CHD4: variants seen among roughly 807,000 people sequenced by gnomAD.
The protein encoded by CHD4 is ATP-dependent chromatin remodeler CHD4.
CHD4 carries 35 observed loss-of-function variants against 235.5 expected under a neutral mutation model. That is an observed-to-expected ratio of 0.15 (90% CI 0.11 to 0.20). CHD4 has a LOEUF of 0.20. CHD4 is among the 10% of genes least tolerant of loss of function. CHD4 has a pLI of 1.00. For missense variants in CHD4, 1,329 were observed against 2,432.3 expected (o/e 0.55, Z 9.54); for synonymous variants, 900 against 850.2 (o/e 1.06, Z -1.02).
In CHD4 at chr12:6,588,236, G is replaced by A; in HGVS notation, c.3465+62C>T. The A allele has an allele frequency of 5.7e-6, 9 of 1,579,586 alleles. No individual in the cohort carries two copies. In the South Asian group the frequency reaches 1.0e-4, roughly 18 times the overall value. On this transcript the variant is annotated intron_variant, in intron 23 of 39. Coordinates refer to ENST00000544040, the MANE Select transcript of CHD4 (RefSeq NM_001273.5). The stretch of plus-strand genomic sequence containing the variant: ...TTCCAGATGGTGGAGCCCTCATAGA[G>A]GCCACTATGCCTTTCTAGCATAACA...
At chr12:6,573,689 A>G (rs1318393898) in intron 37 of CHD4, among the ~76,000 whole-genome samples, 1 of 152,112 alleles carries the variant, frequency 6.6e-6, no homozygotes, top group Non-Finnish European at 1.5e-5. Flanking sequence ...ACAGTTAAGC[A>G]TCTTCCTTTT....
chr12:6,603,946 T>C (rs1948643281), intron 2 of CHD4, among the ~76,000 whole-genome samples: 1 of 152,102 alleles, frequency 6.6e-6, no homozygotes, highest in African/African-American at 2.4e-5. Context: ...TGGGAATGTC[T>C]GCACAAAAAA....
intron 23 of CHD4, 54 bp downstream of exon 23, chr12:6,588,244 T>C: frequency 1.9e-6 from 3 of 1,594,208 alleles, no homozygotes; most frequent in Admixed American, 1.7e-5. Flanking sequence ...GAGGCCACTA[T>C]GCCTTTCTAG....
chr12:6,602,627 T>A (rs1335561710), intron 2 of CHD4, 130 bp from the exon 3 acceptor site: 1 of 1,213,008 alleles, frequency 8.2e-7, no homozygotes, highest in Non-Finnish European at 1.2e-6. Flanking sequence ...ACTGCTATAC[T>A]CTGTACAGGA....
chr12:6,588,070 A>C, intron 23 of CHD4, 121 bp from the exon 24 acceptor site: 1 of 1,206,218 alleles, frequency 8.3e-7, no homozygotes, highest in Non-Finnish European at 1.2e-6. Flanking sequence ...ATTCATAGGA[A>C]ACTTCCTTTT....
rs1947958288 is a variant in CHD4 at position 6,571,022 on chromosome 12, C to T, written c.5568G>A (p.Gln1856=). The change falls in exon 39 of 40, where the codon CAG becomes CAA. Residue 1856 remains glutamine, a synonymous_variant. Transcript: ENST00000544040. Reference sequence around the variant, plus strand: ...TCATGTCACTCAGCAGTTCTTCCAGCTGTTTCAGAACTGCATAGGGAGAAA... The same window carrying T: ...TCATGTCACTCAGCAGTTCTTCCAGTTGTTTCAGAACTGCATAGGGAGAAA... ...ANAVLHKVLK[Q]LEELLSDMKA... is the part of the protein sequence containing the mutation. 6.2e-7 allele frequency: 1 copy of T among 1,613,956 alleles called. No homozygotes were observed. Among genetic ancestry groups the T allele is most frequent in the Admixed American group, 1.7e-5 (1 of 60,004 alleles).
rs1948433977 is a variant in CHD4 at position 6,593,383 on chromosome 12, T to C, written c.2514+33A>G. The C allele has an allele frequency of 9.9e-6, 16 of 1,609,120 alleles. No individual in the cohort carries two copies. Among genetic ancestry groups the C allele is most frequent in the Non-Finnish European group, 1.2e-5 (14 of 1,176,086 alleles). On this transcript the variant is annotated intron_variant, in intron 16 of 39. Transcript: ENST00000544040. The surrounding 1 kb of genome is among the most constrained non-coding windows in gnomAD (Gnocchi z 4.9). ...TAAACTAAGCCAGAAGCCACAACTC[T>C]TTCTCTAGGGTGGCTTCCCTCCCCT...
chr12:6,604,032 C>A lies in CHD4; in HGVS notation c.101-1535G>T, dbSNP rs149894463. 3.6e-3 allele frequency among the ~76,000 whole-genome samples: 555 copies of A among 152,284 alleles called. 3 individuals carry two copies. The highest frequency in any genetic ancestry group is 0.013 in the African/African-American group (533 of 41,538). ...ATGGCTCATGCCTGTAATCGCAGCA[C>A]TCTGGGAGGCTGAGGCGGGCAGATC... is the stretch of plus-strand genomic sequence containing the variant. On this transcript the variant is annotated intron_variant, in intron 2 of 39. Coordinates refer to ENST00000544040, the MANE Select transcript of CHD4 (RefSeq NM_001273.5).
At chr12:6,573,985 T>C (rs1948024106) in intron 37 of CHD4, among the ~76,000 whole-genome samples, 1 of 152,124 alleles carries the variant, frequency 6.6e-6, no homozygotes, top group Non-Finnish European at 1.5e-5. Flanking sequence ...ATCGCGCCAC[T>C]ACACTCCAGC....
Position 6,592,007 on chromosome 12 carries a change from C to T in CHD4, c.2999G>A (p.Arg1000Gln). Reference protein sequence around the residue: ...LTRNFEALNARGGGNQVSLLN... With the variant: ...LTRNFEALNAQGGGNQVSLLN... ...CAGAGACACCTGGTTGCCACCACCTCGGGCATTGAGTGCTTCAAAATTTCG... is the reference window on the plus strand; with the variant it reads ...CAGAGACACCTGGTTGCCACCACCTTGGGCATTGAGTGCTTCAAAATTTCG... Residue 1000 changes from arginine to glutamine, a missense_variant, in exon 20 of 40, where the codon CGA becomes CAA. By Grantham distance (43) the Arg-to-Gln change is conservative. Around this residue, in one of 26 missense-constraint regions of CHD4, gnomAD observed 23 missense variants for 130.0 expected, o/e 0.18. Coordinates refer to ENST00000544040, the MANE Select transcript of CHD4 (RefSeq NM_001273.5). 6.2e-7 allele frequency: 1 copy of T among 1,614,192 alleles called. No homozygotes were observed. The highest frequency in any genetic ancestry group is 8.5e-7 in the Non-Finnish European group (1 of 1,180,042).
At chr12:6,596,422 G>A (rs1948496421) in intron 12 of CHD4, among the ~76,000 whole-genome samples, 1 of 151,542 alleles carries the variant, frequency 6.6e-6, no homozygotes, top group African/African-American at 2.4e-5. Flanking sequence ...AGCTGAGGCA[G>A]GCAGATCGCT....
At chr12:6,580,259 A>C (rs559187081) in intron 33 of CHD4, 1 of 150,224 alleles carries the variant, frequency 6.7e-6, no homozygotes, top group Non-Finnish European at 1.5e-5. Context: ...ACAACAACAA[A>C]TAAAGTCATA....
intron 38 of CHD4, chr12:6,571,262 CT>C: frequency 2.0e-6 from 1 of 499,834 alleles, no homozygotes; most frequent in East Asian, 3.3e-5. Context: ...CTATCCCTTA[CT>C]ATTATTGTAT....
chr12:6,589,210 A>C (rs573514374), intron 22 of CHD4, among the ~76,000 whole-genome samples: 1 of 152,190 alleles, frequency 6.6e-6, no homozygotes, highest in African/African-American at 2.4e-5. Flanking sequence ...AGAATATAAA[A>C]CCTCATTAGG....
chr12:6,582,911 G>A lies in CHD4; in HGVS notation c.4173C>T (p.Gly1391=), dbSNP rs1372062677. 1 of 1,614,024 alleles carries A rather than the reference G, an allele frequency of 6.2e-7. No individual in the cohort carries two copies. The highest frequency in any genetic ancestry group is 2.2e-5 in the East Asian group (1 of 44,886). The stretch of plus-strand genomic sequence containing the variant: ...ATGGCTTATCTTTATCATTCCGCAG[G>A]CCCTTACGACTGGGCCTACGGGGAG... ...SEAPRRPSRK[G]LRNDKDKPLP... Residue 1391 remains glycine (G), a synonymous_variant, in exon 28 of 40, where the codon GGC becomes GGT. Coordinates refer to ENST00000544040, the MANE Select transcript of CHD4 (RefSeq NM_001273.5).
At chr12:6,591,394 G>C (rs1001812045) in intron 22 of CHD4, 72 bp downstream of exon 22, 1 of 1,167,510 alleles carries the variant, frequency 8.6e-7, no homozygotes, top group Non-Finnish European at 1.2e-6. Flanking sequence ...AAAAGGAGAT[G>C]CACAAGAAGT....
chr12:6,598,232 G>C lies in CHD4; in HGVS notation c.1676C>G (p.Ser559Cys), dbSNP rs764178833. 1.7e-5 allele frequency: 27 copies of C among 1,612,476 alleles called. No individual in the cohort carries two copies. Residue 559 changes from serine to cysteine, a missense_variant, in exon 11 of 40, where the codon TCT (serine) becomes TGT (cysteine). By Grantham distance (112) the Ser-to-Cys change is moderately radical (BLOSUM62 -1). Transcript: ENST00000544040. Reference protein sequence around the residue: ...GMSYWHCSWVSELQLELHCQV... With the variant: ...GMSYWHCSWVCELQLELHCQV... Reference sequence around the variant, plus strand: ...CTATCCTAAACTTACCTGCAGTTCAGAAACCCAGGAGCAGTGCCAGTAAGA... The same window carrying C: ...CTATCCTAAACTTACCTGCAGTTCACAAACCCAGGAGCAGTGCCAGTAAGA...
chr12:6,577,489 C>T (rs1373652101), intron 37 of CHD4, among the ~76,000 whole-genome samples: 3 of 150,692 alleles, frequency 2.0e-5, no homozygotes, highest in Non-Finnish European at 4.4e-5. Context: ...AGATGCAATT[C>T]AATCCCACCT....
chr12:6,587,584 C>G (rs370820351), intron 24 of CHD4, 25 bp from the exon 25 acceptor site: 2 of 1,612,144 alleles, frequency 1.2e-6, no homozygotes, highest in Non-Finnish European at 1.7e-6. Flanking sequence ...GGGCCCACAT[C>G]CCCAAAGTCA....
Sources: allele counts gnomAD v4.1 joint callset (sites outside exome capture counted in the v4.1 genomes callset), GRCh38; gene constraint gnomAD v4.1.1; regional missense constraint gnomAD v4.1.1; non-coding constraint Gnocchi (gnomAD v3.1); transcripts MANE v1.5; gene names NCBI Gene and HGNC (gene_info 2026-07-23, HGNC 2026-07-21).